The following FANCA variants were observed in gnomAD, a reference collection of about 807,000 sequenced individuals.
The protein encoded by FANCA is Fanconi anemia group A protein.
Under a neutral mutation model 194.3 loss-of-function variants are expected in FANCA, and 236 were observed. That is an observed-to-expected ratio of 1.21 (90% confidence interval 1.09 to 1.35). The LOEUF is 1.35. Among genes scored for constraint, FANCA ranks in the 40% most tolerant of loss-of-function variants. FANCA has a pLI of 0.00. For synonymous variants in FANCA, 1,014 were observed against 715.8 expected (o/e 1.42, Z -6.65); for missense variants, 2,628 against 1,813.9 (o/e 1.45, Z -8.15).
At chr16:89,809,804 G>C (rs1301044203) in intron 5 of FANCA, among the ~76,000 whole-genome samples, 2 of 151,222 alleles carry the variant, frequency 1.3e-5, no homozygotes, top group Non-Finnish European at 2.9e-5. Flanking sequence ...GATAAGCCAA[G>C]ATAGCACCAT....
At chr16:89,753,831 G>C (rs1365004930) in intron 30 of FANCA, among the ~76,000 whole-genome samples, 1 of 152,172 alleles carries the variant, frequency 6.6e-6, no homozygotes, top group East Asian at 1.9e-4. Flanking sequence ...GAGGCAGGCA[G>C]ATCATCTGAG....
chr16:89,746,988 CTCGCTA>C, intron 33 of FANCA, 98 bp from the exon 34 acceptor site: 1 of 1,173,180 alleles, frequency 8.5e-7, no homozygotes, highest in African/African-American at 1.5e-5. Flanking sequence ...GAGAAAAACA[CTCGCTA>C]AGGCTTGGCG....
At chr16:89,784,712 G>A (rs768245920) in intron 15 of FANCA, 142 bp downstream of exon 15, 13 of 645,584 alleles carry the variant, frequency 2.0e-5, no homozygotes, top group Non-Finnish European at 3.5e-5. Context: ...ACGGCTTGGG[G>A]AAGGGGAAGG....
chr16:89,813,233 G>A (rs761702529), intron 3 of FANCA, among the ~76,000 whole-genome samples: 1 of 151,684 alleles, frequency 6.6e-6, no homozygotes, highest in Non-Finnish European at 1.5e-5. Context: ...TGGGCAATAT[G>A]GCAAAACCCT....
At chr16:89,804,384 A>AAAACGG in intron 7 of FANCA, among the ~76,000 whole-genome samples, 1 of 152,322 alleles carries the variant, frequency 6.6e-6, no homozygotes, top group South Asian at 2.1e-4. Flanking sequence ...AAAGAGCCAG[A>AAAACGG]AAACGAGCTT....
intron 36 of FANCA, among the ~76,000 whole-genome samples, chr16:89,744,463 G>A (rs2062200103): frequency 6.6e-6 from 1 of 152,056 alleles, no homozygotes; most frequent in South Asian, 2.1e-4. Flanking sequence ...ATCTGACTGG[G>A]GTCGACAGGT....
chr16:89,748,571 G>C, intron 33 of FANCA, 88 bp downstream of exon 33: 1 of 1,005,016 alleles, frequency 1.0e-6, no homozygotes, highest in Non-Finnish European at 1.6e-6. Context: ...AATTCACACG[G>C]TCAGTACACG....
At chr16:89,765,803 T>C (rs895181103) in intron 27 of FANCA, among the ~76,000 whole-genome samples, 1 of 152,200 alleles carries the variant, frequency 6.6e-6, no homozygotes, top group South Asian at 2.1e-4. Context: ...TCAAACTCCA[T>C]GTTTTCTTTA....
intron 10 of FANCA, among the ~76,000 whole-genome samples, chr16:89,796,520 T>G (rs1043533054): frequency 6.6e-6 from 1 of 152,146 alleles, no homozygotes; most frequent in Non-Finnish European, 1.5e-5. Flanking sequence ...TGGAAGGGAC[T>G]AAGGTTTCCT....
At chr16:89,768,482 C>A (rs2039206189) in intron 26 of FANCA, among the ~76,000 whole-genome samples, 1 of 152,026 alleles carries the variant, frequency 6.6e-6, no homozygotes, top group Admixed American at 6.6e-5. Flanking sequence ...ATGGCAAAAC[C>A]CCATCTCTAC....
At chr16:89,768,207 G>T (rs2039196732) in intron 26 of FANCA, among the ~76,000 whole-genome samples, 1 of 152,094 alleles carries the variant, frequency 6.6e-6, no homozygotes, top group South Asian at 2.1e-4. Flanking sequence ...CAGCCTGGGG[G>T]ACACAGTGAG....
At position 89,742,840 on chromosome 16, in the gene FANCA, A is replaced by G. The variant is rs1364073944; in HGVS notation, c.3725T>C (p.Ile1242Thr). ...GTCCAGCTTCTTTAGCTGCTTCCTG[A>G]TGTTTTCTTCCCTGACTTGTTGAAT... ...FAIQQVREEN[I>T]RKQLKKLDCE... is the part of the protein sequence containing the mutation. Residue 1242 changes from isoleucine to threonine, a missense_variant, in exon 37 of 43, where the codon ATC becomes ACC. Transcript: ENST00000389301. 1.2e-6 allele frequency: 2 copies of G among 1,614,028 alleles called. No homozygotes were observed. The highest frequency in any genetic ancestry group is 1.7e-6 in the Non-Finnish European group (2 of 1,179,996).
intron 3 of FANCA, among the ~76,000 whole-genome samples, chr16:89,813,561 T>G (rs553605508): frequency 1.3e-5 from 2 of 152,074 alleles, no homozygotes; most frequent in Non-Finnish European, 2.9e-5. Flanking sequence ...GCCTCCTGAA[T>G]AGCTGGGACT....
chr16:89,810,684 C>T, intron 5 of FANCA, 23 bp downstream of exon 5: 1 of 1,448,262 alleles, frequency 6.9e-7, no homozygotes, highest in East Asian at 2.3e-5. Flanking sequence ...ACTGGAGAGT[C>T]AGATTTGCAA....
At position 89,778,702 on chromosome 16, in the gene FANCA, A is replaced by C; in HGVS notation, c.1826+99T>G. The C allele has an allele frequency of 1.2e-5, 13 of 1,055,818 alleles. 1 individual carries two copies. The South Asian group carries it at 1.7e-4, about 13-fold the overall frequency. 65.4% of individuals were successfully genotyped at this position (1,055,818 alleles called of 1,614,324 possible). On this transcript the variant is annotated intron_variant, in intron 20 of 42. Transcript: ENST00000389301. Reference sequence around the variant, plus strand: ...GCCAATATTTTACCAATAAAACACAATAGTGGTCTAACAAATTTCTCTACA... The same window carrying C: ...GCCAATATTTTACCAATAAAACACACTAGTGGTCTAACAAATTTCTCTACA...
intron 3 of FANCA, among the ~76,000 whole-genome samples, chr16:89,811,423 A>C (rs148029157): frequency 1.3e-3 from 204 of 152,346 alleles, no homozygotes; most frequent in African/African-American, 4.6e-3. Flanking sequence ...GGCTCTTTCA[A>C]TTACATTGTT....
chr16:89,738,282 G>C lies in FANCA; in HGVS notation c.*319C>G. On this transcript the variant is annotated 3_prime_UTR_variant, in exon 43 of 43. Transcript: ENST00000389301. ...GAGGATGAGCACCTCTAGCAGCCTG[G>C]ACTCCGCAGTGGCTGTGTCAGCCTC... 1 of 1,557,472 alleles carries C rather than the reference G, an allele frequency of 6.4e-7. No individual in the cohort carries two copies. Among genetic ancestry groups the C allele is most frequent in the Non-Finnish European group, 8.7e-7 (1 of 1,152,946 alleles).
rs1226927500 is a variant in FANCA at position 89,808,333 on chromosome 16, T to A, written c.557A>T (p.His186Leu). 6.2e-7 allele frequency: 1 copy of A among 1,613,962 alleles called. No individual in the cohort carries two copies. Among genetic ancestry groups the A allele is most frequent in the South Asian group, 1.1e-5 (1 of 91,082 alleles). ...SLLLEAVWHL[H>L]VQGIVSLQEL... Reference sequence around the variant, plus strand: ...TTGCAGGCTCACAATGCCTTGTACGTGAAGATGCCACACCGCTTCAAGCAA... The same window carrying A: ...TTGCAGGCTCACAATGCCTTGTACGAGAAGATGCCACACCGCTTCAAGCAA... The change falls in exon 6 of 43, where the codon CAC (histidine) becomes CTC (leucine). Residue 186 changes from histidine to leucine, a missense_variant. Coordinates refer to ENST00000389301, the MANE Select transcript of FANCA (RefSeq NM_000135.4).
intron 8 of FANCA, among the ~76,000 whole-genome samples, chr16:89,800,365 C>T (rs1395720829): frequency 6.6e-6 from 1 of 152,244 alleles, no homozygotes; most frequent in African/African-American, 2.4e-5. Flanking sequence ...GAGAGCAACT[C>T]ATGGTAACAA....
Sources: gnomAD v4.1 joint callset for allele counts (sites outside exome capture counted in the v4.1 genomes callset) on GRCh38, gnomAD v4.1.1 for gene constraint, MANE v1.5 for transcripts, NCBI Gene and HGNC (gene_info 2026-07-23, HGNC 2026-07-21) for gene names.